The following PHACTR2 variants were observed in gnomAD, a reference collection of about 807,000 sequenced individuals.
The protein encoded by PHACTR2 is chromosome 6 open reading frame 56.
Under a neutral mutation model 76.0 loss-of-function variants are expected in PHACTR2, and 30 were observed. The observed-to-expected ratio is 0.39, with a 90% CI of 0.30 to 0.54. PHACTR2 has a LOEUF of 0.54. Among genes scored for constraint, PHACTR2 ranks in the 20% least tolerant of loss-of-function variants. The pLI is 0.61. For synonymous variants in PHACTR2, 292 were observed against 292.5 expected (o/e 1.00, Z 0.02); for missense variants, 696 against 781.1 (o/e 0.89, Z 1.30).
intron 2 of PHACTR2, among the ~76,000 whole-genome samples, chr6:143,717,520 T>G (rs7756576): frequency 0.12 from 17,901 of 152,136 alleles, 1,081 homozygotes; most frequent in South Asian, 0.16. Context: ...AATTGCTTCT[T>G]TATTAAATAC....
At chr6:143,568,486 G>A (rs1428863924) in intron 1 of PHACTR2, among the ~76,000 whole-genome samples, 1 of 152,190 alleles carries the variant, frequency 6.6e-6, no homozygotes, top group African/African-American at 2.4e-5. Context: ...ACTTAAGGAG[G>A]GAGAACCTGT....
At position 143,689,696 on chromosome 6, in the gene PHACTR2, CT is replaced by C. The variant is rs35628481; in HGVS notation, c.46+11501del. On this transcript the variant is annotated intron_variant, in intron 1 of 12. Transcript: ENST00000440869. The surrounding 1 kb of genome is among the most constrained non-coding windows in gnomAD (Gnocchi z 4.4). ...TTCCCATTTTCTCATCTTCTCAAGT[CT>C]TTTTTTTTTTTTTGAGATGGAGTGT... Among the ~76,000 whole-genome samples, 264 of 139,346 alleles carry C rather than the reference CT, an allele frequency of 1.9e-3. No homozygotes were observed. The highest frequency in any genetic ancestry group is 1.9e-3 in the Non-Finnish European group (122 of 64,882). 91.4% of individuals were successfully genotyped at this position (139,346 alleles called of 152,430 possible). A position where few individuals can be genotyped will look rare whatever the true frequency, so the allele number is the denominator to read the frequency against.
At chr6:143,729,239 A>G (rs1017726156) in intron 2 of PHACTR2, among the ~76,000 whole-genome samples, 6 of 152,148 alleles carry the variant, frequency 3.9e-5, no homozygotes, top group Non-Finnish European at 8.8e-5. Context: ...TATTCTAGAT[A>G]CAAGCTCTTT....
intron 1 of PHACTR2, among the ~76,000 whole-genome samples, chr6:143,572,648 G>C (rs1181597731): frequency 6.6e-6 from 1 of 152,134 alleles, no homozygotes; most frequent in African/African-American, 2.4e-5. Context: ...CACCTCCCGG[G>C]CTCAAGCAAT....
chr6:143,706,978 TGAGA>T (rs1562277064), intron 1 of PHACTR2, among the ~76,000 whole-genome samples: 2 of 152,212 alleles, frequency 1.3e-5, no homozygotes, highest in Non-Finnish European at 1.5e-5. Flanking sequence ...TTGTTTCAAT[TGAGA>T]GAGAGAAAGA....
At position 143,627,851 on chromosome 6, in the gene PHACTR2, T is replaced by G. The variant is rs149984800; in HGVS notation, c.13+19529T>G. 1.9e-3 allele frequency among the ~76,000 whole-genome samples: 289 copies of G among 152,128 alleles called. 3 individuals carry two copies. Among genetic ancestry groups the G allele is most frequent in the African/African-American group, 6.6e-3 (275 of 41,528 alleles). On this transcript the variant is annotated intron_variant, in intron 1 of 11. Transcript: ENST00000305766. The surrounding 1 kb of genome is among the most constrained non-coding windows in gnomAD (Gnocchi z 4.3). ...CTCCTGACCTTGTGATCCGCCCACCTCGGCCTCCCAAAGTACAACCACCAC... is the reference window on the plus strand; with the variant it reads ...CTCCTGACCTTGTGATCCGCCCACCGCGGCCTCCCAAAGTACAACCACCAC...
At position 143,825,973 on chromosome 6, in the gene PHACTR2, A is replaced by G. The variant is rs1562321845; in HGVS notation, c.*2284A>G. On this transcript the variant is annotated 3_prime_UTR_variant, in exon 13 of 13. Transcript: ENST00000440869. This position sits in a 1 kb window ranked among gnomAD's most constrained non-coding sequence, Gnocchi z 4.1. The stretch of plus-strand genomic sequence containing the variant: ...TTGCATTTCTTGTATAATAGGTCAG[A>G]TTTATTAACTACTCATACTTTTTCT... 6.6e-6 allele frequency: 1 copy of G among 152,082 alleles called. No homozygotes were observed. The highest frequency in any genetic ancestry group is 1.5e-5 in the Non-Finnish European group (1 of 68,024). The allele number at this position is 152,082 out of a possible 1,614,324, so 9.4% of individuals were successfully genotyped here.
Position 143,542,708 on chromosome 6 carries a change from T to C in PHACTR2, c.217+5501T>C, listed in dbSNP as rs143348172. On this transcript the variant is annotated intron_variant, in intron 1 of 11. Coordinates refer to the PHACTR2 transcript ENST00000367584. The stretch of plus-strand genomic sequence containing the variant: ...CTCTGTTTCCTTTTAGCTCTTGCCT[T>C]GTGTTTACCTGGGGAAAATTTCTTC... Among the ~76,000 whole-genome samples the C allele has an allele frequency of 4.2e-3, 643 of 152,354 alleles. 7 individuals carry two copies. Among genetic ancestry groups the C allele is most frequent in the African/African-American group, 0.015 (613 of 41,590 alleles).
rs1043030378 is a variant in PHACTR2, at chr6:143,814,311, G to T, written c.1922+7178G>T. 2.0e-5 allele frequency among the ~76,000 whole-genome samples: 3 copies of T among 152,118 alleles called. No individual in the cohort carries two copies. In the East Asian group the frequency reaches 5.8e-4, roughly 29 times the overall value. ...GTGGAGGTTGAAGTAAGCTGAGATC[G>T]CCTGGGCAACAGAGTGAGAATCTGT... On this transcript the variant is annotated intron_variant, in intron 12 of 12. Coordinates refer to ENST00000440869, the MANE Select transcript of PHACTR2 (RefSeq NM_001100164.2).
chr6:143,670,776 A>G (rs1031095651), intron 1 of PHACTR2, among the ~76,000 whole-genome samples: 1 of 152,102 alleles, frequency 6.6e-6, no homozygotes, highest in Non-Finnish European at 1.5e-5. Context: ...GCTTCCTTGC[A>G]TTGGGTTAGA....
chr6:143,810,947 AT>A lies in PHACTR2; in HGVS notation c.1922+3820del, dbSNP rs368309883. Among the ~76,000 whole-genome samples, 10 of 152,000 alleles carry A rather than the reference AT, an allele frequency of 6.6e-5. No homozygotes were observed. In the East Asian group the frequency reaches 1.9e-3, roughly 29 times the overall value. Reference sequence around the variant, plus strand: ...AGCCCTTTATTGCCTATGTTGCAATATTTTTTCCAATTTATTGTTAACTTTT... The same window carrying A: ...AGCCCTTTATTGCCTATGTTGCAATATTTTTCCAATTTATTGTTAACTTTT... On this transcript the variant is annotated intron_variant, in intron 12 of 12. Transcript: ENST00000440869.
At chr6:143,713,897 C>G (rs1297192202) in intron 2 of PHACTR2, among the ~76,000 whole-genome samples, 1 of 152,106 alleles carries the variant, frequency 6.6e-6, no homozygotes, top group Non-Finnish European at 1.5e-5. Flanking sequence ...GAGCAGGGCT[C>G]CAGACGTAAC....
chr6:143,644,393 G>A (rs997636909), intron 1 of PHACTR2, among the ~76,000 whole-genome samples: 5 of 150,980 alleles, frequency 3.3e-5, no homozygotes, highest in Non-Finnish European at 7.4e-5. Context: ...GGGTGAACCC[G>A]GGAGGCGGAG....
chr6:143,544,690 C>T (rs542545342), intron 1 of PHACTR2, among the ~76,000 whole-genome samples: 44 of 152,284 alleles, frequency 2.9e-4, no homozygotes, highest in African/African-American at 1.0e-3. Context: ...TCCTTCCCTG[C>T]ACCATAAAAT....
Position 143,776,906 on chromosome 6 carries a change from C to T in PHACTR2, c.1590-422C>T, listed in dbSNP as rs1290728145. On this transcript the variant is annotated intron_variant, in intron 8 of 12. Transcript: ENST00000440869. This position sits in a 1 kb window ranked among gnomAD's most constrained non-coding sequence, Gnocchi z 5.3. ...CTGCATGATCAAAGCTGGCTCACAC[C>T]ATCATGCTGAAGTTCTAGCCTGTGG... is the stretch of plus-strand genomic sequence containing the variant. Among the ~76,000 whole-genome samples, 1 of 152,188 alleles carries T rather than the reference C, an allele frequency of 6.6e-6. No individual in the cohort carries two copies. Among genetic ancestry groups the T allele is most frequent in the Non-Finnish European group, 1.5e-5 (1 of 68,030 alleles).
rs1377097610 is a variant in PHACTR2, at chr6:143,664,710, C to A, written c.14-47306C>A. On this transcript the variant is annotated intron_variant, in intron 1 of 11. Coordinates refer to the PHACTR2 transcript ENST00000305766. The surrounding 1 kb of genome is among the most constrained non-coding windows in gnomAD (Gnocchi z 5.1). ...CAGAGCCGATAGTTTATTAAATTCA[C>A]CATCATGTCCTCACTTTCTGTGCTC... 1.3e-5 allele frequency among the ~76,000 whole-genome samples: 2 copies of A among 152,190 alleles called. No homozygotes were observed. The highest frequency in any genetic ancestry group is 4.8e-5 in the African/African-American group (2 of 41,454).
chr6:143,792,854 T>A (rs1775725762), intron 11 of PHACTR2, among the ~76,000 whole-genome samples: 1 of 152,194 alleles, frequency 6.6e-6, no homozygotes, highest in Non-Finnish European at 1.5e-5. Context: ...CTATATGGCC[T>A]TTCCTGATCT....
chr6:143,799,842 G>T (rs1422437428), intron 11 of PHACTR2, among the ~76,000 whole-genome samples: 2 of 152,108 alleles, frequency 1.3e-5, no homozygotes, highest in Non-Finnish European at 2.9e-5. Flanking sequence ...TGGTGCTAAG[G>T]AGAATGTATA....
At chr6:143,759,591 T>C (rs994212814) in intron 4 of PHACTR2, among the ~76,000 whole-genome samples, 9 of 148,452 alleles carry the variant, frequency 6.1e-5, no homozygotes, top group Non-Finnish European at 1.3e-4. Context: ...ATCATACCAC[T>C]GCACTCTAGC....
Sources: allele counts gnomAD v4.1 joint callset (sites outside exome capture counted in the v4.1 genomes callset), GRCh38; gene constraint gnomAD v4.1.1; non-coding constraint Gnocchi (gnomAD v3.1); transcripts MANE v1.5; gene names NCBI Gene and HGNC (gene_info 2026-07-23, HGNC 2026-07-21).